Variants in CARMIL1 observed in about 807,000 individuals in gnomAD.
CARMIL1 encodes the protein capping protein regulator and myosin 1 linker 1, also known as F-actin-uncapping protein LRRC16A.
In CARMIL1, 90 loss-of-function variants were observed where a neutral mutation model predicts 177.1. The observed-to-expected ratio is 0.51, with a 90% CI of 0.43 to 0.61. The LOEUF (loss-of-function observed/expected upper bound fraction) is 0.61, where lower values mean the gene tolerates loss of function less well. CARMIL1 is among the 20% of genes least tolerant of loss of function. The pLI is 0.00. For missense variants in CARMIL1, 1,380 were observed against 1,667.0 expected (o/e 0.83, Z 3.00); for synonymous variants, 577 against 606.2 (o/e 0.95, Z 0.71).
At chr6:25,361,034 GC>G (rs1789143918) in intron 2 of CARMIL1, among the ~76,000 whole-genome samples, 1 of 152,094 alleles carries the variant, frequency 6.6e-6, no homozygotes, top group Admixed American at 6.5e-5. Flanking sequence ...TGGTGAGTAT[GC>G]TTTCCTACCC....
rs41271821 is a variant in CARMIL1 at position 25,538,029 on chromosome 6, G to A, written c.2196+46G>A. Reference sequence around the variant, plus strand: ...TGTGAGAGTCTGGTATAATAAAAACGTTTCATAAAATTTAGTTTTAGAAAC... The same window carrying A: ...TGTGAGAGTCTGGTATAATAAAAACATTTCATAAAATTTAGTTTTAGAAAC... On this transcript the variant is annotated intron_variant, in intron 25 of 36. Coordinates refer to ENST00000329474, the MANE Select transcript of CARMIL1 (RefSeq NM_017640.6). The A allele has an allele frequency of 5.6e-3, 8,503 of 1,520,426 alleles. 55 individuals are homozygous for A. The highest frequency in any genetic ancestry group is 0.011 in the South Asian group (909 of 79,734). 94.2% of individuals were successfully genotyped at this position (1,520,426 alleles called of 1,614,324 possible).
At chr6:25,598,196 C>T (rs1309447028) in intron 32 of CARMIL1, among the ~76,000 whole-genome samples, 1 of 151,954 alleles carries the variant, frequency 6.6e-6, no homozygotes, top group Non-Finnish European at 1.5e-5. Context: ...TTATTTCTTT[C>T]ATAATTTCTT....
intron 15 of CARMIL1, 44 bp downstream of exon 15, chr6:25,492,068 C>T (rs1034051): frequency 0.97 from 1,501,128 of 1,546,568 alleles, 728,938 homozygotes; most frequent in East Asian, 1. Flanking sequence ...GAAGTGTCTT[C>T]TTCTGAGAAA....
chr6:25,468,440 G>C (rs1298565320), intron 9 of CARMIL1, among the ~76,000 whole-genome samples: 5 of 152,106 alleles, frequency 3.3e-5, no homozygotes, highest in East Asian at 1.9e-4. Context: ...CTTTGCAATA[G>C]TTCATTTATT....
At chr6:25,470,773 C>T (rs1582064308) in intron 9 of CARMIL1, among the ~76,000 whole-genome samples, 1 of 152,232 alleles carries the variant, frequency 6.6e-6, no homozygotes, top group East Asian at 1.9e-4. Flanking sequence ...TCTCTGGGGC[C>T]TCTTTTACGA....
At chr6:25,381,335 T>G (rs2150485263) in intron 2 of CARMIL1, among the ~76,000 whole-genome samples, 1 of 152,222 alleles carries the variant, frequency 6.6e-6, no homozygotes, top group Middle Eastern at 3.4e-3. Flanking sequence ...TGTGATCTGT[T>G]TCTACTCACA....
At chr6:25,485,175 G>A (rs1316540470) in intron 12 of CARMIL1, among the ~76,000 whole-genome samples, 1 of 152,126 alleles carries the variant, frequency 6.6e-6, no homozygotes, top group African/African-American at 2.4e-5. Context: ...TTGGTTCTGA[G>A]GACCTTCAGT....
At chr6:25,290,018 C>T (rs1285376313) in intron 2 of CARMIL1, among the ~76,000 whole-genome samples, 1 of 152,222 alleles carries the variant, frequency 6.6e-6, no homozygotes, top group Non-Finnish European at 1.5e-5. Flanking sequence ...CCCAGAGTGG[C>T]TGTACCATTA....
intron 3 of CARMIL1, 119 bp downstream of exon 3, chr6:25,420,283 A>G: frequency 1.1e-6 from 1 of 902,586 alleles, no homozygotes; most frequent in South Asian, 1.4e-5. Flanking sequence ...GCAACACAAC[A>G]CACACACACC....
At position 25,509,043 on chromosome 6, in the gene CARMIL1, GATA is replaced by G. The variant is rs1462891599; in HGVS notation, c.1396-606_1396-604del. On this transcript the variant is annotated intron_variant, in intron 17 of 36. Transcript: ENST00000329474. This position sits in a 1 kb window ranked among gnomAD's most constrained non-coding sequence, Gnocchi z 4.1. Reference sequence around the variant, plus strand: ...CTTAGTTTTGCTCTAAAACAATCATGATAATAATATTTTATATTAATTTAACAT... The same window carrying G: ...CTTAGTTTTGCTCTAAAACAATCATGATAATATTTTATATTAATTTAACAT... Among the ~76,000 whole-genome samples the G allele has an allele frequency of 7.2e-5, 11 of 152,240 alleles. No individual in the cohort carries two copies. In the East Asian group the frequency reaches 7.7e-4, roughly 11 times the overall value.
intron 2 of CARMIL1, chr6:25,383,812 A>G (rs1317987482): frequency 6.6e-6 from 1 of 152,216 alleles, no homozygotes; most frequent in Non-Finnish European, 1.5e-5. Context: ...GAATAGGATA[A>G]TAAACTTCCC....
chr6:25,463,548 G>C (rs920908053), intron 8 of CARMIL1, among the ~76,000 whole-genome samples: 1 of 152,158 alleles, frequency 6.6e-6, no homozygotes, highest in Non-Finnish European at 1.5e-5. Flanking sequence ...ACAAAAAGTG[G>C]TTCTGAAGTG....
At chr6:25,336,619 C>T (rs1264158969) in intron 2 of CARMIL1, among the ~76,000 whole-genome samples, 1 of 152,208 alleles carries the variant, frequency 6.6e-6, no homozygotes. Context: ...CACATACGAA[C>T]ATCCTGTTGC....
chr6:25,510,215 G>T (rs1313895844), intron 18 of CARMIL1, among the ~76,000 whole-genome samples: 1 of 152,176 alleles, frequency 6.6e-6, no homozygotes, highest in East Asian at 1.9e-4. Flanking sequence ...GGTGGGGAGA[G>T]ATGAAACTTT....
At chr6:25,356,050 CTTTT>C (rs5875031) in intron 2 of CARMIL1, among the ~76,000 whole-genome samples, 5 of 120,324 alleles carry the variant, frequency 4.2e-5, no homozygotes, top group Non-Finnish European at 3.6e-5. Context: ...TCTAAGACTT[CTTTT>C]TTTTTTTTTT....
At chr6:25,301,733 A>G (rs1782876397) in intron 2 of CARMIL1, among the ~76,000 whole-genome samples, 1 of 152,194 alleles carries the variant, frequency 6.6e-6, no homozygotes. Context: ...AACTTTCTGT[A>G]TGTGAGATTC....
intron 2 of CARMIL1, among the ~76,000 whole-genome samples, chr6:25,387,895 T>G (rs915085726): frequency 6.6e-6 from 1 of 152,200 alleles, no homozygotes; most frequent in Admixed American, 6.5e-5. Flanking sequence ...TAATGATTTC[T>G]TTGCCTCTAG....
chr6:25,536,621 G>A (rs1307235441), intron 24 of CARMIL1, among the ~76,000 whole-genome samples: 3 of 152,058 alleles, frequency 2.0e-5, no homozygotes, highest in African/African-American at 4.8e-5. Context: ...AAGAATGTGC[G>A]GTAGATATTA....
intron 36 of CARMIL1, among the ~76,000 whole-genome samples, chr6:25,610,663 T>C (rs1816433835): frequency 1.3e-5 from 2 of 152,330 alleles, no homozygotes; most frequent in South Asian, 4.1e-4. Flanking sequence ...TGTTCCTTAC[T>C]CTCAGAAGTG....
Sources: allele counts gnomAD v4.1 joint callset (sites outside exome capture counted in the v4.1 genomes callset), GRCh38; gene constraint gnomAD v4.1.1; non-coding constraint Gnocchi (gnomAD v3.1); transcripts MANE v1.5; gene names NCBI Gene and HGNC (gene_info 2026-07-23, HGNC 2026-07-21).